MICU1: variants seen among roughly 807,000 people sequenced by gnomAD.
MICU1 encodes calcium uptake protein 1, mitochondrial.
MICU1 carries 45 observed loss-of-function variants against 56.8 expected under a neutral mutation model. The observed-to-expected ratio is 0.79, with a 90% CI of 0.62 to 1.02. The LOEUF (loss-of-function observed/expected upper bound fraction) is 1.02. Ranked by LOEUF, MICU1 falls within the 50% of genes least tolerant of loss-of-function variation. The pLI is 0.00. For synonymous variants in MICU1, 186 were observed against 195.1 expected (o/e 0.95, Z 0.39); for missense variants, 504 against 587.1 (o/e 0.86, Z 1.46).
intron 3 of MICU1, among the ~76,000 whole-genome samples, chr10:72,558,640 C>T (rs1231091116): frequency 6.6e-6 from 1 of 152,084 alleles, no homozygotes; most frequent in East Asian, 1.9e-4. Context: ...TTGTTGGGTT[C>T]AGTGACTGGA....
intron 8 of MICU1, among the ~76,000 whole-genome samples, chr10:72,423,828 T>C (rs1013543285): frequency 1.3e-5 from 2 of 152,188 alleles, no homozygotes; most frequent in African/African-American, 2.4e-5. Context: ...AAAAAATTCA[T>C]AAAGGTCTGA....
intron 11 of MICU1, among the ~76,000 whole-genome samples, chr10:72,368,950 C>A (rs1393200358): frequency 6.6e-6 from 1 of 152,052 alleles, no homozygotes; most frequent in Non-Finnish European, 1.5e-5. Context: ...TTGCTGGACA[C>A]TAAAGAAGCA....
At chr10:72,596,462 A>T (rs1841384717) in intron 1 of MICU1, among the ~76,000 whole-genome samples, 1 of 152,112 alleles carries the variant, frequency 6.6e-6, no homozygotes, top group South Asian at 2.1e-4. Flanking sequence ...AGTTCTAGAA[A>T]TCTGCTGTAA....
At chr10:72,608,710 A>G (rs1266790178) in intron 1 of MICU1, among the ~76,000 whole-genome samples, 1 of 152,244 alleles carries the variant, frequency 6.6e-6, no homozygotes, top group Non-Finnish European at 1.5e-5. Context: ...GCCTCCGTAC[A>G]TATTTTAAGA....
chr10:72,476,744 T>C (rs2132272051), intron 7 of MICU1, among the ~76,000 whole-genome samples: 1 of 152,312 alleles, frequency 6.6e-6, no homozygotes, highest in South Asian at 2.1e-4. Flanking sequence ...ATTCCTAGGA[T>C]TTTGAAATTG....
chr10:72,569,227 A>ATTTTTTTT lies in MICU1; in HGVS notation c.-1-2434_-1-2433insAAAAAAAA, dbSNP rs1457174727. Reference sequence around the variant, plus strand: ...TATGCATATATATATATATATATATATATATATATATTTTTTTTTTTTTTT... The same window carrying ATTTTTTTT: ...TATGCATATATATATATATATATATATTTTTTTTTATATATATATTTTTTTTTTTTTTT... On this transcript the variant is annotated intron_variant, in intron 1 of 11. Transcript: ENST00000361114. 9.4e-4 allele frequency among the ~76,000 whole-genome samples: 38 copies of ATTTTTTTT among 40,570 alleles called. 4 individuals are homozygous for ATTTTTTTT. Among genetic ancestry groups the ATTTTTTTT allele is most frequent in the African/African-American group, 2.8e-3 (26 of 9,216 alleles). The allele number at this position is 40,570 out of a possible 152,430, so 26.6% of individuals were successfully genotyped here.
intron 5 of MICU1, among the ~76,000 whole-genome samples, chr10:72,528,093 C>A (rs980012623): frequency 6.6e-6 from 1 of 151,936 alleles, no homozygotes; most frequent in African/African-American, 2.4e-5. Context: ...CCCAAAGTGC[C>A]GCGATTACAG....
intron 11 of MICU1, among the ~76,000 whole-genome samples, chr10:72,372,990 T>C (rs1392630733): frequency 1.3e-5 from 2 of 151,950 alleles, no homozygotes; most frequent in East Asian, 3.9e-4. Context: ...CAAACTACTA[T>C]GGGTTTACCT....
intron 1 of MICU1, among the ~76,000 whole-genome samples, chr10:72,623,142 G>A (rs916116738): frequency 2.0e-5 from 3 of 151,392 alleles, no homozygotes; most frequent in Non-Finnish European, 2.9e-5. Context: ...GGTGGCGCAC[G>A]CTCCTGTAAT....
At chr10:72,586,585 G>A (rs1841067634) in intron 1 of MICU1, among the ~76,000 whole-genome samples, 1 of 151,782 alleles carries the variant, frequency 6.6e-6, no homozygotes, top group Non-Finnish European at 1.5e-5. Flanking sequence ...TCAGGAGATG[G>A]AGGTTGCAGG....
At chr10:72,548,999 C>G (rs2049711871) in intron 4 of MICU1, among the ~76,000 whole-genome samples, 1 of 152,102 alleles carries the variant, frequency 6.6e-6, no homozygotes, top group South Asian at 2.1e-4. Context: ...ACCTGGCCAA[C>G]AACCAAAAAT....
intron 10 of MICU1, among the ~76,000 whole-genome samples, chr10:72,407,520 T>TA (rs140447590): frequency 0.041 from 6,233 of 152,160 alleles, 422 homozygotes; most frequent in African/African-American, 0.14. Context: ...CATATTGTCT[T>TA]AAAAAAAGTC....
intron 6 of MICU1, among the ~76,000 whole-genome samples, chr10:72,500,800 T>C (rs1208187763): frequency 6.6e-6 from 1 of 152,204 alleles, no homozygotes; most frequent in Non-Finnish European, 1.5e-5. Context: ...ACCTAGTGAA[T>C]CTTAGCATTA....
chr10:72,563,069 T>A lies in MICU1; in HGVS notation c.162-6A>T, dbSNP rs1270001121. 6.6e-7 allele frequency: 1 copy of A among 1,521,108 alleles called. No homozygotes were observed. Among genetic ancestry groups the A allele is most frequent in the Non-Finnish European group, 8.8e-7 (1 of 1,136,996 alleles). The allele number at this position is 1,521,108 out of a possible 1,614,324, so 94.2% of individuals were successfully genotyped here. ...GTGGAGATTCTGCATGGGCCCTGGATATGCAAAAAAGAAATCTAGATTAAT... is the reference window on the plus strand; with the variant it reads ...GTGGAGATTCTGCATGGGCCCTGGAAATGCAAAAAAGAAATCTAGATTAAT... On this transcript the variant is annotated splice_polypyrimidine_tract_variant and splice_region_variant and intron_variant, in intron 2 of 11. Transcript: ENST00000361114.
At chr10:72,402,794 C>G (rs184669404) in intron 10 of MICU1, among the ~76,000 whole-genome samples, 29 of 152,236 alleles carry the variant, frequency 1.9e-4, no homozygotes, top group Admixed American at 5.9e-4. Flanking sequence ...TGCCTGTAAT[C>G]TTAGCCACTG....
intron 10 of MICU1, among the ~76,000 whole-genome samples, chr10:72,386,462 G>A (rs372772337): frequency 1.3e-5 from 2 of 151,702 alleles, no homozygotes; most frequent in Non-Finnish European, 2.9e-5. Flanking sequence ...GATTACAGGC[G>A]TGAGCCACTG....
chr10:72,435,307 G>C (rs1162983543), intron 8 of MICU1, among the ~76,000 whole-genome samples: 2 of 147,010 alleles, frequency 1.4e-5, no homozygotes, highest in Non-Finnish European at 3.0e-5. Context: ...AGGATCACTT[G>C]AGTCCAGGAG....
chr10:72,448,941 T>C (rs879164964), intron 8 of MICU1, among the ~76,000 whole-genome samples: 1 of 152,140 alleles, frequency 6.6e-6, no homozygotes, highest in South Asian at 2.1e-4. Flanking sequence ...GTTCGTTTTG[T>C]TTTGGTTGTT....
intron 4 of MICU1, among the ~76,000 whole-genome samples, chr10:72,542,813 G>C (rs1476501598): frequency 1.3e-5 from 2 of 152,216 alleles, no homozygotes; most frequent in African/African-American, 2.4e-5. Context: ...CAGGAAAATT[G>C]AGGTCGCACG....
Sources: allele counts gnomAD v4.1 joint callset (sites outside exome capture counted in the v4.1 genomes callset), GRCh38; gene constraint gnomAD v4.1.1; transcripts MANE v1.5; gene names NCBI Gene and HGNC (gene_info 2026-07-23, HGNC 2026-07-21).